The following SENP7 variants were observed in gnomAD, a reference collection of about 807,000 sequenced individuals.
SENP7 encodes sentrin-specific protease 7.
Under a neutral mutation model 141.2 loss-of-function variants are expected in SENP7, and 64 were observed. The observed-to-expected ratio is 0.45, with a 90% confidence interval of 0.37 to 0.56. The LOEUF (loss-of-function observed/expected upper bound fraction) is 0.56. Ranked by LOEUF, SENP7 falls within the 20% of genes least tolerant of loss-of-function variation. SENP7 has a pLI of 0.00. For missense variants in SENP7, 1,025 were observed against 1,212.2 expected, an observed-to-expected ratio of 0.85 and a Z score of 2.29; for synonymous variants, 382 against 426.4, an observed-to-expected ratio of 0.90 and a Z score of 1.28.
Position 101,361,711 on chromosome 3 carries a change from T to C in SENP7, c.1623+4A>G. On this transcript the variant is annotated splice_donor_region_variant and intron_variant, in intron 11 of 23. Transcript: ENST00000394095. ...TAAAAGAAAATTAAAGAAAATATAC[T>C]TACTGTAACACAACCTTTAGAAGCT... 2 of 1,549,948 alleles carry C rather than the reference T, an allele frequency of 1.3e-6. No homozygotes were observed. Among genetic ancestry groups the C allele is most frequent in the Non-Finnish European group, 8.6e-7 (1 of 1,157,332 alleles).
intron 11 of SENP7, among the ~76,000 whole-genome samples, chr3:101,359,664 A>G (rs1316354807): frequency 2.6e-5 from 4 of 151,822 alleles, no homozygotes; most frequent in Non-Finnish European, 2.9e-5. Flanking sequence ...AAATAAGTAG[A>G]GGAATTAAAT....
chr3:101,446,034 T>C (rs1013718543), intron 4 of SENP7, among the ~76,000 whole-genome samples: 2 of 152,206 alleles, frequency 1.3e-5, no homozygotes, highest in Admixed American at 1.3e-4. Context: ...AGGGGCCTTA[T>C]GGGAGGTGAT....
At chr3:101,344,056 C>A in intron 13 of SENP7, 102 bp from the exon 14 acceptor site, 1 of 835,160 alleles carries the variant, frequency 1.2e-6, no homozygotes. Flanking sequence ...GAATATAACC[C>A]CAAGTATTTT....
chr3:101,446,239 G>A (rs2062889502), intron 4 of SENP7, among the ~76,000 whole-genome samples: 1 of 152,204 alleles, frequency 6.6e-6, no homozygotes, highest in African/African-American at 2.4e-5. Context: ...CCCAGAAACA[G>A]AAGCCTGGAC....
intron 4 of SENP7, among the ~76,000 whole-genome samples, chr3:101,419,225 A>T (rs2061713523): frequency 6.6e-6 from 1 of 152,224 alleles, no homozygotes; most frequent in African/African-American, 2.4e-5. Flanking sequence ...AAAGAAATTA[A>T]AGGACTTACC....
intron 6 of SENP7, among the ~76,000 whole-genome samples, chr3:101,393,882 G>C (rs997232916): frequency 7.2e-5 from 11 of 152,142 alleles, no homozygotes; most frequent in African/African-American, 2.4e-4. Context: ...TATGGTATTT[G>C]GTACATGCAC....
chr3:101,499,842 G>A (rs2065306840), intron 2 of SENP7, among the ~76,000 whole-genome samples: 1 of 151,942 alleles, frequency 6.6e-6, no homozygotes, highest in Admixed American at 6.6e-5. Context: ...GCCAATTTTT[G>A]TATTTTTGTA....
At chr3:101,491,126 CT>C (rs199912447) in intron 3 of SENP7, among the ~76,000 whole-genome samples, 330 of 140,810 alleles carry the variant, frequency 2.3e-3, no homozygotes, top group East Asian at 0.018. Context: ...TCATTTTATA[CT>C]TTTTTTTTTT....
chr3:101,455,892 A>AG (rs2063336448), intron 4 of SENP7, among the ~76,000 whole-genome samples: 1 of 152,162 alleles, frequency 6.6e-6, no homozygotes, highest in Non-Finnish European at 1.5e-5. Flanking sequence ...ACCTTTTAGA[A>AG]GTAGAACATT....
At chr3:101,341,178 T>C (rs1158669880) in intron 15 of SENP7, among the ~76,000 whole-genome samples, 1 of 152,194 alleles carries the variant, frequency 6.6e-6, no homozygotes, top group Admixed American at 6.5e-5. Flanking sequence ...CACCATTAAA[T>C]GCACAGACTC....
chr3:101,429,950 G>T (rs2062101166), intron 4 of SENP7, among the ~76,000 whole-genome samples: 1 of 152,094 alleles, frequency 6.6e-6, no homozygotes, highest in Admixed American at 6.6e-5. Flanking sequence ...ATAATCATGT[G>T]GTTTTTGTCG....
chr3:101,415,387 C>T (rs1295683816), intron 5 of SENP7, among the ~76,000 whole-genome samples: 2 of 152,174 alleles, frequency 1.3e-5, no homozygotes, highest in Admixed American at 1.3e-4. Context: ...GACCCTGAGG[C>T]TGTGTGTAGC....
At chr3:101,508,818 A>C (rs536111620) in intron 1 of SENP7, among the ~76,000 whole-genome samples, 1 of 152,256 alleles carries the variant, frequency 6.6e-6, no homozygotes, top group Non-Finnish European at 1.5e-5. Context: ...CTAAGTCACA[A>C]AGTACTAACA....
chr3:101,497,657 A>G (rs2065213014), intron 2 of SENP7, among the ~76,000 whole-genome samples: 1 of 152,236 alleles, frequency 6.6e-6, no homozygotes, highest in Non-Finnish European at 1.5e-5. Context: ...CTATGAGTCC[A>G]TATTGATACA....
chr3:101,478,021 TAAAC>T (rs981143382), intron 3 of SENP7, among the ~76,000 whole-genome samples: 18 of 150,128 alleles, frequency 1.2e-4, no homozygotes, highest in Non-Finnish European at 2.7e-4. Flanking sequence ...CATACCCTAA[TAAAC>T]AAAATCAGAA....
chr3:101,368,299 T>C (rs896033512), intron 7 of SENP7, among the ~76,000 whole-genome samples: 1 of 151,692 alleles, frequency 6.6e-6, no homozygotes, highest in Non-Finnish European at 1.5e-5. Flanking sequence ...CACCAAACTG[T>C]TTTTCCATTT....
chr3:101,349,360 C>T (rs987310378), intron 12 of SENP7, among the ~76,000 whole-genome samples: 2 of 152,172 alleles, frequency 1.3e-5, no homozygotes, highest in Non-Finnish European at 2.9e-5. Context: ...GAAATCTACA[C>T]AACTACTACT....
intron 5 of SENP7, among the ~76,000 whole-genome samples, chr3:101,411,385 T>A (rs1172195877): frequency 9.2e-5 from 14 of 152,212 alleles, no homozygotes; most frequent in Admixed American, 9.2e-4. Flanking sequence ...ATTTTCAATA[T>A]ACAATTAAAG....
At chr3:101,364,445 A>T (rs1267400340) in intron 10 of SENP7, among the ~76,000 whole-genome samples, 1 of 152,202 alleles carries the variant, frequency 6.6e-6, no homozygotes, top group Non-Finnish European at 1.5e-5. Flanking sequence ...CCTCTATATC[A>T]TACTGCCTTC....
Sources: allele counts gnomAD v4.1 joint callset (sites outside exome capture counted in the v4.1 genomes callset), GRCh38; gene constraint gnomAD v4.1.1; transcripts MANE v1.5; gene names NCBI Gene and HGNC (gene_info 2026-07-23, HGNC 2026-07-21).